Variants in TUBGCP2 observed in about 807,000 individuals in gnomAD.
TUBGCP2 encodes the protein gamma-tubulin complex component 2.
A neutral mutation model predicts 92.2 loss-of-function variants in TUBGCP2; 55 were observed. That is an observed-to-expected ratio of 0.60 (90% CI 0.48 to 0.75). The LOEUF is 0.75. Among genes scored for constraint, TUBGCP2 ranks in the 30% least tolerant of loss-of-function variants. The pLI is 0.00. For synonymous variants in TUBGCP2, 533 were observed against 505.2 expected (o/e 1.06, Z -0.74); for missense variants, 1,093 against 1,188.9 (o/e 0.92, Z 1.19).
Position 133,292,123 on chromosome 10 carries a change from A to G in TUBGCP2, c.1214+376T>C, listed in dbSNP as rs368645915. Reference sequence around the variant, plus strand: ...TCCCTCCGTGTCCCCCATGTCCCCCATGTCCCCGTGTCCCGGGGAGCCCTA... The same window carrying G: ...TCCCTCCGTGTCCCCCATGTCCCCCGTGTCCCCGTGTCCCGGGGAGCCCTA... On this transcript the variant is annotated intron_variant, in intron 8 of 17. Coordinates refer to ENST00000252936, the MANE Select transcript of TUBGCP2 (RefSeq NM_006659.4). Among the ~76,000 whole-genome samples, 35 of 6,244 alleles carry G rather than the reference A, an allele frequency of 5.6e-3. 4 individuals are homozygous for G. The highest frequency in any genetic ancestry group is 0.01 in the African/African-American group (13 of 1,246). 4.1% of individuals were successfully genotyped at this position (6,244 alleles called of 152,430 possible). A position where few individuals can be genotyped will look rare whatever the true frequency, so the allele number is the denominator to read the frequency against.
intron 1 of TUBGCP2, among the ~76,000 whole-genome samples, chr10:133,305,056 C>G (rs906111068): frequency 6.6e-6 from 1 of 152,098 alleles, no homozygotes; most frequent in Non-Finnish European, 1.5e-5. Context: ...GAAGACTCTA[C>G]GCCTCCAACT....
intron 11 of TUBGCP2, 21 bp downstream of exon 11, chr10:133,288,108 G>A: frequency 6.2e-7 from 1 of 1,602,260 alleles, no homozygotes; most frequent in Admixed American, 1.7e-5. Context: ...ACAGGGGACA[G>A]CCCCCGGCAC....
At position 133,293,557 on chromosome 10, in the gene TUBGCP2, C is replaced by A. The variant is rs1271675252; in HGVS notation, c.824+5G>T. ...AGGCTCCCAGGGACCGCGCCCGGTG[C>A]CCACCTGGTCACAGCGGAGTAGCTG... is the stretch of plus-strand genomic sequence containing the variant. On this transcript the variant is annotated splice_donor_5th_base_variant and intron_variant, in intron 6 of 17. Coordinates refer to ENST00000252936, the MANE Select transcript of TUBGCP2 (RefSeq NM_006659.4). The A allele has an allele frequency of 1.3e-6, 2 of 1,550,884 alleles. No individual in the cohort carries two copies.
chr10:133,290,267 G>A (rs974800280), intron 8 of TUBGCP2: 2 of 313,586 alleles, frequency 6.4e-6, no homozygotes, highest in Non-Finnish European at 1.2e-5. Context: ...GGCTGAGGTG[G>A]GCAGATCACG....
At chr10:133,309,314 C>G (rs1407514837), upstream of TUBGCP2, 6 of 1,525,342 alleles carry the variant, frequency 3.9e-6, 1 homozygote, top group East Asian at 4.8e-5. Flanking sequence ...ACTGGGGCCA[C>G]GGGTGTGGGC....
chr10:133,308,818 C>A lies in TUBGCP2; in HGVS notation c.-40+5G>T. 1.3e-6 allele frequency: 1 copy of A among 798,636 alleles called. No individual in the cohort carries two copies. Among genetic ancestry groups the A allele is most frequent in the Non-Finnish European group, 1.7e-6 (1 of 605,480 alleles). 49.5% of individuals were successfully genotyped at this position (798,636 alleles called of 1,614,324 possible). On this transcript the variant is annotated splice_donor_5th_base_variant and intron_variant, in intron 1 of 17. Coordinates refer to ENST00000252936, the MANE Select transcript of TUBGCP2 (RefSeq NM_006659.4). ...CGCCCGCGCCCGCGTTCGGCCAGGA[C>A]TCACCGCAGTCCCGGAGCCACAGCC...
rs1847597830 is a variant in TUBGCP2, at chr10:133,299,926, G to A, written c.279+59C>T. ...ATGGCGTGGAGTGAGCAGGAGACGC[G>A]ACCCCACTCCCAACATGGGCCGTAC... On this transcript the variant is annotated intron_variant, in intron 3 of 17. Transcript: ENST00000252936. The A allele has an allele frequency of 1.6e-5, 26 of 1,593,202 alleles. No homozygotes were observed. In the South Asian group the frequency reaches 2.1e-4, roughly 13 times the overall value.
chr10:133,285,202 G>C lies in TUBGCP2; in HGVS notation c.1907C>G (p.Thr636Ser), dbSNP rs1847100381. The change falls in exon 13 of 18, where the codon ACT becomes AGT. Residue 636 changes from threonine (T) to serine (S), a missense_variant. Transcript: ENST00000252936. This position sits in a 1 kb window ranked among gnomAD's most constrained non-coding sequence, Gnocchi z 6.8. ...LSLIINRKAL[T>S]RYQMLFRHMF... ...GTGCCTGAAGAGCATCTGGTAGCGAGTGAGGGCTTTCCTGCAAGAGACGTG... is the reference window on the plus strand; with the variant it reads ...GTGCCTGAAGAGCATCTGGTAGCGACTGAGGGCTTTCCTGCAAGAGACGTG... 6.2e-7 allele frequency: 1 copy of C among 1,612,596 alleles called. No homozygotes were observed. The highest frequency in any genetic ancestry group is 1.3e-5 in the African/African-American group (1 of 74,952).
Position 133,288,834 on chromosome 10 carries a change from A to C in TUBGCP2, c.1541+6T>G, listed in dbSNP as rs1266047605. 8 of 1,603,526 alleles carry C rather than the reference A, an allele frequency of 5.0e-6. No individual in the cohort carries two copies. The highest frequency in any genetic ancestry group is 6.8e-6 in the Non-Finnish European group (8 of 1,173,700). ...GTGCCCGCACAGGGACAGGGCACGG[A>C]ATCACCTGAGGTGAGCCACCAGCTC... On this transcript the variant is annotated splice_donor_region_variant and intron_variant, in intron 10 of 17. Coordinates refer to ENST00000252936, the MANE Select transcript of TUBGCP2 (RefSeq NM_006659.4).
At chr10:133,291,028 C>G in intron 8 of TUBGCP2, 1 of 200,732 alleles carries the variant, frequency 5.0e-6, no homozygotes. Context: ...CCGACAGACC[C>G]CACCAGATCA....
At chr10:133,283,691 TTCCCTGCCTCTCCCGCAC>T (rs1847049498) in intron 14 of TUBGCP2, among the ~76,000 whole-genome samples, 173 bp downstream of exon 14, 1 of 7,202 alleles carries the variant, frequency 1.4e-4, no homozygotes, top group Non-Finnish European at 3.2e-4. Context: ...CTCTCCCGCA[TTCCCTGCCTCTCCCGCAC>T]GCCCTGCCTC....
Position 133,285,518 on chromosome 10 carries a change from G to A in TUBGCP2, c.1833C>T (p.Ser611=), listed in dbSNP as rs745424540. The A allele has an allele frequency of 6.0e-5, 96 of 1,606,018 alleles. No homozygotes were observed. Among genetic ancestry groups the A allele is most frequent in the Non-Finnish European group, 7.5e-5 (88 of 1,174,348 alleles). Reference sequence around the variant, plus strand: ...AGTCGAAAGAGAAGGCCTCCAGGCCGCTCAGCGCCAGCTCCGTGGGGTCGG... The same window carrying A: ...AGTCGAAAGAGAAGGCCTCCAGGCCACTCAGCGCCAGCTCCGTGGGGTCGG... The part of the protein sequence containing the change: ...AHADPTELAL[S]GLEAFSFDYI... The change falls in exon 12 of 18, where the codon AGC becomes AGT. Residue 611 remains serine (S), a synonymous_variant. Coordinates refer to ENST00000252936, the MANE Select transcript of TUBGCP2 (RefSeq NM_006659.4). This position sits in a 1 kb window ranked among gnomAD's most constrained non-coding sequence, Gnocchi z 6.8.
At position 133,297,947 on chromosome 10, in the gene TUBGCP2, C is replaced by T. The variant is rs776244189; in HGVS notation, c.616+5G>A. 6.8e-6 allele frequency: 11 copies of T among 1,612,798 alleles called. No individual in the cohort carries two copies. The highest frequency in any genetic ancestry group is 5.5e-5 in the South Asian group (5 of 91,026). On this transcript the variant is annotated splice_donor_5th_base_variant and intron_variant, in intron 5 of 17. Coordinates refer to ENST00000252936, the MANE Select transcript of TUBGCP2 (RefSeq NM_006659.4). ...GCAGAGCCCGGAAATCAACGCATCA[C>T]GTACCTATCGGCAAAGCGGTGTCTG...
Position 133,298,805 on chromosome 10 carries a change from G to A in TUBGCP2, c.456+622C>T, listed in dbSNP as rs114758714. Among the ~76,000 whole-genome samples the A allele has an allele frequency of 4.9e-3, 740 of 152,356 alleles. 6 individuals are homozygous for A. The highest frequency in any genetic ancestry group is 0.017 in the African/African-American group (694 of 41,586). On this transcript the variant is annotated intron_variant, in intron 4 of 17. Coordinates refer to ENST00000252936, the MANE Select transcript of TUBGCP2 (RefSeq NM_006659.4). ...CCTAGCACCATGTCCAGCACAGAAC[G>A]TGCCCAGCAAGAACCGGCTGGGTCC...
intron 1 of TUBGCP2, among the ~76,000 whole-genome samples, chr10:133,308,134 G>C (rs1287962885): frequency 6.6e-6 from 1 of 152,194 alleles, no homozygotes; most frequent in African/African-American, 2.4e-5. Context: ...CCGCCACTGG[G>C]CCCATTCTCT....
chr10:133,283,723 CGCACTCCCTGCCTCTCCT>C (rs1352614555), intron 14 of TUBGCP2, among the ~76,000 whole-genome samples, 141 bp downstream of exon 14: 43 of 139,742 alleles, frequency 3.1e-4, no homozygotes, highest in African/African-American at 1.2e-3. Context: ...CTGCCTCTCC[CGCACTCCCTGCCTCTCCT>C]GCACTCCCTG....
chr10:133,286,767 A>G (rs1847143833), intron 11 of TUBGCP2, among the ~76,000 whole-genome samples: 1 of 152,270 alleles, frequency 6.6e-6, no homozygotes. Context: ...AAACATGTGG[A>G]AGTTAAACAT....
Position 133,289,819 on chromosome 10 carries a change from C to CGCGGACGCCAAGTCCCTGCCCGCTGCGCT in TUBGCP2, c.1360+4_1360+5insAGCGCAGCGGGCAGGGACTTGGCGTCCGC, listed in dbSNP as rs1554935352. On this transcript the variant is annotated splice_donor_region_variant and intron_variant, in intron 9 of 17. Transcript: ENST00000252936. ...CACCCCAAGTCCCCGCCCGCTGCGC[C>CGCGGACGCCAAGTCCCTGCCCGCTGCGCT]GCACCTGTGCTGAGGATCTTGTCCG... is the stretch of plus-strand genomic sequence containing the variant. 17 of 1,612,610 alleles carry CGCGGACGCCAAGTCCCTGCCCGCTGCGCT rather than the reference C, an allele frequency of 1.1e-5. No individual in the cohort carries two copies. Among genetic ancestry groups the CGCGGACGCCAAGTCCCTGCCCGCTGCGCT allele is most frequent in the East Asian group, 4.5e-5 (2 of 44,890 alleles).
intron 1 of TUBGCP2, among the ~76,000 whole-genome samples, chr10:133,303,935 G>T (rs1452623613): frequency 6.6e-6 from 1 of 152,218 alleles, no homozygotes; most frequent in African/African-American, 2.4e-5. Context: ...GGTGTAGGGT[G>T]AGCCCACCCC....
Sources: allele counts gnomAD v4.1 joint callset (sites outside exome capture counted in the v4.1 genomes callset), GRCh38; gene constraint gnomAD v4.1.1; non-coding constraint Gnocchi (gnomAD v3.1); transcripts MANE v1.5; gene names NCBI Gene and HGNC (gene_info 2026-07-23, HGNC 2026-07-21).